Variants in CDH18 observed in about 807,000 individuals in gnomAD.
CDH18 encodes the protein cadherin-18.
Under a neutral mutation model 67.9 loss-of-function variants are expected in CDH18, and 31 were observed. That is an observed-to-expected ratio of 0.46 (90% CI 0.34 to 0.62). The LOEUF is 0.62. CDH18 is among the 20% of genes least tolerant of loss of function. The pLI, the probability that CDH18 is intolerant of heterozygous loss-of-function variation, is 0.01. For synonymous variants in CDH18, 362 were observed against 347.2 expected (o/e 1.04, Z -0.48); for missense variants, 890 against 975.5 (o/e 0.91, Z 1.17).
intron 1 of CDH18, among the ~76,000 whole-genome samples, chr5:19,981,572 T>A (rs2150362190): frequency 6.6e-6 from 1 of 152,324 alleles, no homozygotes; most frequent in Middle Eastern, 3.4e-3. Flanking sequence ...ATAAGGGCTG[T>A]AATTCACATC....
intron 2 of CDH18, among the ~76,000 whole-genome samples, chr5:20,148,178 G>A (rs952320556): frequency 2.0e-5 from 3 of 150,866 alleles, no homozygotes; most frequent in African/African-American, 4.9e-5. Flanking sequence ...TGCAAGCTCC[G>A]CCTCCCAGGT....
intron 3 of CDH18, among the ~76,000 whole-genome samples, chr5:19,825,393 A>T (rs1300279172): frequency 6.6e-6 from 1 of 152,124 alleles, no homozygotes; most frequent in Non-Finnish European, 1.5e-5. Context: ...TCTCAAAGCT[A>T]GATGGGCTAC....
intron 1 of CDH18, among the ~76,000 whole-genome samples, chr5:20,277,134 G>C (rs985728378): frequency 2.6e-5 from 4 of 152,250 alleles, no homozygotes; most frequent in African/African-American, 7.2e-5. Context: ...GCTGTTTTTA[G>C]AGCCCTAGGT....
At chr5:19,800,117 G>A (rs1777296744) in intron 3 of CDH18, among the ~76,000 whole-genome samples, 1 of 152,008 alleles carries the variant, frequency 6.6e-6, no homozygotes, top group African/African-American at 2.4e-5. Flanking sequence ...AGAGAGAGAA[G>A]GATAAAAGAA....
At chr5:20,198,860 G>T (rs544568334) in intron 2 of CDH18, among the ~76,000 whole-genome samples, 2 of 152,304 alleles carry the variant, frequency 1.3e-5, no homozygotes, top group Admixed American at 1.3e-4. Context: ...AGGGGCCAAG[G>T]TATAGCCTGG....
rs912476736 is a variant in CDH18, at chr5:19,755,830, G to A, written c.229-8594C>T. Among the ~76,000 whole-genome samples, 5 of 151,916 alleles carry A rather than the reference G, an allele frequency of 3.3e-5. No homozygotes were observed. In the South Asian group the frequency reaches 8.3e-4, roughly 25 times the overall value. ...GACTAGGCCAGTCTCCCCTTTTCAC[G>A]TTTTTCTGCCTGCTTTGTATTTGCT... On this transcript the variant is annotated intron_variant, in intron 3 of 12. Coordinates refer to ENST00000382275, the MANE Select transcript of CDH18 (RefSeq NM_004934.5).
rs557926311 is a variant in CDH18 at position 19,561,055 on chromosome 5, T to C, written c.1253+10524A>G. On this transcript the variant is annotated intron_variant, in intron 8 of 12. Coordinates refer to ENST00000382275, the MANE Select transcript of CDH18 (RefSeq NM_004934.5). ...TGAAAAGGGAGCACTTTTACATTGT[T>C]GGTGGGAGTGCAAACTAGTACAACC... Among the ~76,000 whole-genome samples the C allele has an allele frequency of 1.1e-3, 175 of 152,274 alleles. 1 individual carries two copies. The highest frequency in any genetic ancestry group is 4.2e-3 in the African/African-American group (173 of 41,560).
intron 1 of CDH18, among the ~76,000 whole-genome samples, chr5:20,414,074 A>G (rs1747056395): frequency 2.0e-5 from 3 of 152,184 alleles, no homozygotes; most frequent in Non-Finnish European, 4.4e-5. Flanking sequence ...AGAAAAGGGA[A>G]CACTTATGTA....
intron 2 of CDH18, among the ~76,000 whole-genome samples, chr5:19,936,517 T>A (rs1235476767): frequency 6.6e-6 from 1 of 151,158 alleles, no homozygotes; most frequent in Non-Finnish European, 1.5e-5. Context: ...ATGTGCTGTA[T>A]ACTTTCACAA....
chr5:19,617,107 C>T (rs1580517766), intron 5 of CDH18, among the ~76,000 whole-genome samples: 1 of 152,126 alleles, frequency 6.6e-6, no homozygotes, highest in Non-Finnish European at 1.5e-5. Context: ...GGTTCAAGAC[C>T]ATATGTTGCT....
intron 2 of CDH18, among the ~76,000 whole-genome samples, chr5:19,931,811 T>C (rs1230099989): frequency 1.3e-5 from 2 of 151,962 alleles, no homozygotes; most frequent in East Asian, 3.9e-4. Flanking sequence ...TATTAACTCC[T>C]ATATCCATCT....
chr5:20,049,726 T>C (rs1741244931), intron 2 of CDH18, among the ~76,000 whole-genome samples: 1 of 151,594 alleles, frequency 6.6e-6, no homozygotes, highest in South Asian at 2.1e-4. Context: ...AAACCATCCA[T>C]AAAACTTAAA....
intron 1 of CDH18, among the ~76,000 whole-genome samples, chr5:20,277,061 A>G (rs1745864300): frequency 6.6e-6 from 1 of 152,198 alleles, no homozygotes; most frequent in Non-Finnish European, 1.5e-5. Flanking sequence ...TCAGGACGAC[A>G]TCTCTGGACC....
At chr5:20,393,679 G>A (rs999028369) in intron 1 of CDH18, among the ~76,000 whole-genome samples, 6 of 151,868 alleles carry the variant, frequency 4.0e-5, no homozygotes, top group African/African-American at 1.5e-4. Flanking sequence ...TAAAGTCTCA[G>A]GTTACAAAAT....
chr5:20,463,778 G>A (rs563053222), intron 1 of CDH18, among the ~76,000 whole-genome samples: 97 of 152,236 alleles, frequency 6.4e-4, no homozygotes, highest in African/African-American at 2.1e-3. Context: ...GAGGAATGCC[G>A]TCTATTTGTT....
chr5:20,190,537 T>G (rs1738454449), intron 2 of CDH18, among the ~76,000 whole-genome samples: 2 of 152,154 alleles, frequency 1.3e-5, no homozygotes, highest in Admixed American at 1.3e-4. Flanking sequence ...TGGTATTTTT[T>G]TAATCTATCC....
intron 2 of CDH18, among the ~76,000 whole-genome samples, chr5:20,189,458 A>T (rs1179499585): frequency 6.6e-6 from 1 of 152,100 alleles, no homozygotes; most frequent in African/African-American, 2.4e-5. Flanking sequence ...CTCTAATGCC[A>T]CTCATCACTC....
chr5:19,915,429 AC>A (rs1791653744), intron 2 of CDH18, among the ~76,000 whole-genome samples: 1 of 152,176 alleles, frequency 6.6e-6, no homozygotes, highest in Non-Finnish European at 1.5e-5. Flanking sequence ...AAACTTAAGT[AC>A]TAACAGCCTA....
chr5:19,538,165 A>G, intron 9 of CDH18, among the ~76,000 whole-genome samples: 1 of 152,178 alleles, frequency 6.6e-6, no homozygotes, highest in Non-Finnish European at 1.5e-5. Context: ...AGGAAAGTTT[A>G]TTATCCAGTA....
Sources: gnomAD v4.1 joint callset for allele counts (sites outside exome capture counted in the v4.1 genomes callset) on GRCh38, gnomAD v4.1.1 for gene constraint, MANE v1.5 for transcripts, NCBI Gene and HGNC (gene_info 2026-07-23, HGNC 2026-07-21) for gene names.